The following SMURF2 variants were observed in gnomAD, a reference collection of about 807,000 sequenced individuals.
SMURF2 encodes the protein E3 ubiquitin-protein ligase SMURF2.
A neutral mutation model predicts 109.6 loss-of-function variants in SMURF2; 48 were observed. The observed-to-expected ratio is 0.44, with a 90% confidence interval of 0.35 to 0.56. The LOEUF (loss-of-function observed/expected upper bound fraction) is 0.56, where lower values mean the gene tolerates loss of function less well. Among genes scored for constraint, SMURF2 ranks in the 20% least tolerant of loss-of-function variants. The pLI, the probability that SMURF2 is intolerant of heterozygous loss-of-function variation, is 0.01. For synonymous variants in SMURF2, 288 were observed against 317.1 expected (o/e 0.91, Z 0.97); for missense variants, 575 against 909.0 (o/e 0.63, Z 4.72).
At chr17:64,603,130 CA>C (rs1969920749) in intron 2 of SMURF2, among the ~76,000 whole-genome samples, 1 of 148,980 alleles carries the variant, frequency 6.7e-6, no homozygotes, top group Non-Finnish European at 1.5e-5. Flanking sequence ...AAAAAAAAAA[CA>C]TACACAACAT....
chr17:64,584,361 C>CTTTTTTTTTTTTTTTTTT lies in SMURF2; in HGVS notation c.486-818_486-817insAAAAAAAAAAAAAAAAAA, dbSNP rs372682588. 3.8e-4 allele frequency among the ~76,000 whole-genome samples: 43 copies of CTTTTTTTTTTTTTTTTTT among 112,752 alleles called. 1 individual carries two copies. Among genetic ancestry groups the CTTTTTTTTTTTTTTTTTT allele is most frequent in the African/African-American group, 1.5e-3 (40 of 26,828 alleles). The allele number at this position is 112,752 out of a possible 152,430, so 74.0% of individuals were successfully genotyped here. ...CGAAACAGCTACTTTCTTTTTTTTT[C>CTTTTTTTTTTTTTTTTTT]TTTTTTTTTTTTTTTTGAGACAGAG... is the stretch of plus-strand genomic sequence containing the variant. On this transcript the variant is annotated intron_variant, in intron 6 of 18. Transcript: ENST00000262435.
chr17:64,650,823 C>A (rs1970626615), intron 1 of SMURF2, among the ~76,000 whole-genome samples: 1 of 151,106 alleles, frequency 6.6e-6, no homozygotes, highest in Non-Finnish European at 1.5e-5. Flanking sequence ...CTCAAAAAAA[C>A]AAAATTACCA....
chr17:64,548,305 T>C (rs1408247207), intron 16 of SMURF2, among the ~76,000 whole-genome samples: 1 of 152,172 alleles, frequency 6.6e-6, no homozygotes, highest in African/African-American at 2.4e-5. Flanking sequence ...GTAACATCCA[T>C]TTCACTACAT....
Position 64,585,119 on chromosome 17 carries a change from T to C in SMURF2, c.485+967A>G, listed in dbSNP as rs569998344. Among the ~76,000 whole-genome samples, 17 of 152,360 alleles carry C rather than the reference T, an allele frequency of 1.1e-4. No individual in the cohort carries two copies. The South Asian group carries it at 3.5e-3, about 32-fold the overall frequency. On this transcript the variant is annotated intron_variant, in intron 6 of 18. Transcript: ENST00000262435. Reference sequence around the variant, plus strand: ...AAATTTAACCATTTATATACTTCAATGGATGCAATTTATTACATGTAAGTT... The same window carrying C: ...AAATTTAACCATTTATATACTTCAACGGATGCAATTTATTACATGTAAGTT...
At chr17:64,601,936 T>C (rs1191496580) in intron 2 of SMURF2, among the ~76,000 whole-genome samples, 1 of 149,380 alleles carries the variant, frequency 6.7e-6, no homozygotes, top group African/African-American at 2.4e-5. Context: ...TGTATATATA[T>C]ATATACACAC....
chr17:64,648,726 C>G (rs1235403257), intron 1 of SMURF2, among the ~76,000 whole-genome samples: 1 of 152,014 alleles, frequency 6.6e-6, no homozygotes, highest in Non-Finnish European at 1.5e-5. Flanking sequence ...GAGCCATAAG[C>G]CTGAGCGACA....
At chr17:64,576,841 G>A (rs369445053) in intron 9 of SMURF2, among the ~76,000 whole-genome samples, 6 of 118,406 alleles carry the variant, frequency 5.1e-5, no homozygotes, top group African/African-American at 1.9e-4. Context: ...TATGTGTTCC[G>A]TTATTCCCCA....
intron 1 of SMURF2, among the ~76,000 whole-genome samples, chr17:64,623,275 C>G (rs970809141): frequency 1.3e-5 from 2 of 152,168 alleles, no homozygotes; most frequent in Non-Finnish European, 2.9e-5. Flanking sequence ...TTCACTAGAT[C>G]ATTAAGTTCC....
intron 7 of SMURF2, among the ~76,000 whole-genome samples, chr17:64,582,274 G>C (rs1400768103): frequency 6.6e-6 from 1 of 152,162 alleles, no homozygotes; most frequent in Non-Finnish European, 1.5e-5. Context: ...AATAAAAGTA[G>C]GTGCAGCTAA....
intron 1 of SMURF2, among the ~76,000 whole-genome samples, chr17:64,636,985 C>T (rs186563019): frequency 8.2e-4 from 124 of 151,966 alleles, no homozygotes; most frequent in African/African-American, 2.9e-3. Context: ...TTTGGCAGGC[C>T]GAGACAAGAG....
At chr17:64,608,046 T>C (rs1447540636) in intron 1 of SMURF2, among the ~76,000 whole-genome samples, 3 of 150,198 alleles carry the variant, frequency 2.0e-5, no homozygotes, top group Non-Finnish European at 4.4e-5. Context: ...AATAAATAAA[T>C]CTGCTTATAG....
chr17:64,600,810 T>A lies in SMURF2; in HGVS notation c.92-2320A>T, dbSNP rs1289382524. Among the ~76,000 whole-genome samples the A allele has an allele frequency of 1.6e-4, 24 of 152,274 alleles. 1 individual carries two copies. Among genetic ancestry groups the A allele is most frequent in the African/African-American group, 5.5e-4 (23 of 41,560 alleles). ...CTATCTTGTTATTTTCACTCTACTA[T>A]TTAAATAAATAAACATATAAATGTG... On this transcript the variant is annotated intron_variant, in intron 2 of 18. Transcript: ENST00000262435.
At chr17:64,629,853 C>T (rs1970314036) in intron 1 of SMURF2, among the ~76,000 whole-genome samples, 1 of 152,128 alleles carries the variant, frequency 6.6e-6, no homozygotes, top group Non-Finnish European at 1.5e-5. Context: ...TCTAACAATA[C>T]CTCCTATGAC....
chr17:64,606,450 T>C, intron 2 of SMURF2, 152 bp downstream of exon 2: 1 of 639,912 alleles, frequency 1.6e-6, no homozygotes, highest in Non-Finnish European at 2.7e-6. Flanking sequence ...AAAAAAAAAA[T>C]GTGATGCCAA....
Position 64,577,840 on chromosome 17 carries a change from A to G in SMURF2, c.857+652T>C, listed in dbSNP as rs541586124. Among the ~76,000 whole-genome samples, 28 of 151,450 alleles carry G rather than the reference A, an allele frequency of 1.8e-4. No homozygotes were observed. In the East Asian group the frequency reaches 2.3e-3, roughly 13 times the overall value. ...AACTCCTGGGGCTCAAGTGATCCTC[A>G]TGCCTCAGCCTCCCAAAGTGTTGGG... On this transcript the variant is annotated intron_variant, in intron 9 of 18. Coordinates refer to ENST00000262435, the MANE Select transcript of SMURF2 (RefSeq NM_022739.4).
In SMURF2 at chr17:64,596,585, C is replaced by CAA. The variant is rs201858792; in HGVS notation, c.200+1795_200+1796dup. 4.8e-3 allele frequency among the ~76,000 whole-genome samples: 220 copies of CAA among 45,466 alleles called. 4 individuals carry two copies. Among genetic ancestry groups the CAA allele is most frequent in the African/African-American group, 7.9e-3 (127 of 15,980 alleles). The allele number at this position is 45,466 out of a possible 152,430, so 29.8% of individuals were successfully genotyped here. On this transcript the variant is annotated intron_variant, in intron 3 of 18. Transcript: ENST00000262435. Reference sequence around the variant, plus strand: ...AAGTTCACCGAAACAGGAGAGTAAACAAAAAAAAAAAAAAAAAAAAAAAAG... The same window carrying CAA: ...AAGTTCACCGAAACAGGAGAGTAAACAAAAAAAAAAAAAAAAAAAAAAAAAAG...
Position 64,662,195 on chromosome 17 carries a change from C to T in SMURF2, c.-315G>A. On this transcript the variant is annotated 5_prime_UTR_variant, in exon 1 of 19. Transcript: ENST00000262435. ...CGCCGAGGCCTTTCCCTCCTCTCGT[C>T]TCGGCGAGGCCCAGTAGCCGACGGG... 4.8e-6 allele frequency: 5 copies of T among 1,034,520 alleles called. No homozygotes were observed. Among genetic ancestry groups the T allele is most frequent in the Non-Finnish European group, 5.8e-6 (5 of 862,608 alleles). 64.1% of individuals were successfully genotyped at this position (1,034,520 alleles called of 1,614,324 possible). A position where few individuals can be genotyped will look rare whatever the true frequency, so the allele number is the denominator to read the frequency against.
At chr17:64,604,869 G>A (rs1969947749) in intron 2 of SMURF2, among the ~76,000 whole-genome samples, 1 of 150,688 alleles carries the variant, frequency 6.6e-6, no homozygotes, top group African/African-American at 2.4e-5. Context: ...GCTTGAACCC[G>A]AGAGGTGGAG....
At chr17:64,571,695 AGG>A (rs1353785276) in intron 10 of SMURF2, 101 bp downstream of exon 10, 1 of 1,236,978 alleles carries the variant, frequency 8.1e-7, no homozygotes, top group African/African-American at 1.5e-5. Flanking sequence ...CTGGGATTAA[AGG>A]CGTGAGCCAC....
Sources: allele counts gnomAD v4.1 joint callset (sites outside exome capture counted in the v4.1 genomes callset), GRCh38; gene constraint gnomAD v4.1.1; transcripts MANE v1.5; gene names NCBI Gene and HGNC (gene_info 2026-07-23, HGNC 2026-07-21).